Variants in CLASP2 observed in about 807,000 individuals in gnomAD.
CLASP2 encodes the protein CLIP-associating protein 2.
A neutral mutation model predicts 194.4 loss-of-function variants in CLASP2; 47 were observed. That is an observed-to-expected ratio of 0.24 (90% CI 0.19 to 0.31). The LOEUF (loss-of-function observed/expected upper bound fraction) is 0.31, where lower values mean the gene tolerates loss of function less well. Among genes scored for constraint, CLASP2 ranks in the 10% least tolerant of loss-of-function variants. The pLI is 1.00. For missense variants in CLASP2, 1,445 were observed against 1,823.6 expected, an observed-to-expected ratio of 0.79 and a Z score of 3.78; for synonymous variants, 619 against 633.5, an observed-to-expected ratio of 0.98 and a Z score of 0.34.
At chr3:33,667,229 T>G (rs984969941) in intron 6 of CLASP2, among the ~76,000 whole-genome samples, 1 of 151,744 alleles carries the variant, frequency 6.6e-6, no homozygotes, top group Admixed American at 6.6e-5. Flanking sequence ...CTGGCCAACA[T>G]GGTGAAACCC....
chr3:33,547,756 C>T (rs1034512278), intron 30 of CLASP2, among the ~76,000 whole-genome samples: 1 of 151,482 alleles, frequency 6.6e-6, no homozygotes, highest in East Asian at 1.9e-4. Context: ...GCCATCTGAG[C>T]CTGGGCTTTT....
intron 8 of CLASP2, among the ~76,000 whole-genome samples, chr3:33,639,699 T>G (rs1031866038): frequency 6.6e-6 from 1 of 152,166 alleles, no homozygotes; most frequent in Non-Finnish European, 1.5e-5. Context: ...TAATCAACGT[T>G]AGGAGAGAAA....
At chr3:33,547,056 T>G (rs9876692) in intron 30 of CLASP2, among the ~76,000 whole-genome samples, 2,875 of 152,320 alleles carry the variant, frequency 0.019, 93 homozygotes, top group African/African-American at 0.065. Context: ...GTCTACTACA[T>G]TAATAGATTT....
chr3:33,600,371 G>A (rs947929779), intron 18 of CLASP2, among the ~76,000 whole-genome samples: 5 of 152,106 alleles, frequency 3.3e-5, no homozygotes, highest in Non-Finnish European at 5.9e-5. Context: ...CTCTTTATCA[G>A]GTTGAGAAAG....
At chr3:33,599,037 G>A (rs1446920321) in intron 18 of CLASP2, among the ~76,000 whole-genome samples, 1 of 152,188 alleles carries the variant, frequency 6.6e-6, no homozygotes, top group Non-Finnish European at 1.5e-5. Flanking sequence ...ATTACAGTAA[G>A]TAAAATCATC....
rs2048189726 is a variant in CLASP2, at chr3:33,506,377, C to CAA, written c.4317+4180_4317+4181insTT. On this transcript the variant is annotated intron_variant, in intron 37 of 38. Coordinates refer to ENST00000682230, the MANE Select transcript of CLASP2 (RefSeq NM_001365631.1). ...TGGGTGACAGAGTGAGACTCTGTCTCGAAAAAAAAAAAAAAAAAAAAAAAA... is the reference window on the plus strand; with the variant it reads ...TGGGTGACAGAGTGAGACTCTGTCTCAAGAAAAAAAAAAAAAAAAAAAAAAAA... Among the ~76,000 whole-genome samples, 366 of 61,876 alleles carry CAA rather than the reference C, an allele frequency of 5.9e-3. 96 individuals are homozygous for CAA. The highest frequency in any genetic ancestry group is 0.044 in the East Asian group (74 of 1,678). 40.6% of individuals were successfully genotyped at this position (61,876 alleles called of 152,430 possible).
chr3:33,516,418 A>G (rs1245510275), intron 35 of CLASP2, among the ~76,000 whole-genome samples: 8 of 152,240 alleles, frequency 5.3e-5, no homozygotes, highest in Non-Finnish European at 1.5e-5. Context: ...CAGTAATCCC[A>G]GCTCTTTGGA....
chr3:33,706,326 G>A (rs1360527654), intron 1 of CLASP2, among the ~76,000 whole-genome samples: 1 of 152,204 alleles, frequency 6.6e-6, no homozygotes, highest in Admixed American at 6.5e-5. Context: ...ACAAGGAACA[G>A]AGAAAGAAAC....
Position 33,510,778 on chromosome 3 carries a change from G to T in CLASP2, c.4111-14C>A, listed in dbSNP as rs1440273656. The T allele has an allele frequency of 3.2e-6, 5 of 1,586,998 alleles. No homozygotes were observed. The highest frequency in any genetic ancestry group is 4.3e-6 in the Non-Finnish European group (5 of 1,165,240). ...AGATCTCACCACCTAAAAAAAATAG[G>T]AAATTAAGCCAGAAAGTAATTTTTA... On this transcript the variant is annotated splice_polypyrimidine_tract_variant and intron_variant, in intron 36 of 38. Transcript: ENST00000682230.
intron 25 of CLASP2, among the ~76,000 whole-genome samples, chr3:33,571,456 C>G (rs1436762652): frequency 6.6e-6 from 1 of 151,584 alleles, no homozygotes; most frequent in African/African-American, 2.4e-5. Flanking sequence ...TGGTGAAACC[C>G]TGTCTCTACT....
In CLASP2 at chr3:33,506,560, A is replaced by AT. The variant is rs1226514791; in HGVS notation, c.4317+3997dup. 6.6e-5 allele frequency among the ~76,000 whole-genome samples: 10 copies of AT among 151,704 alleles called. 1 individual carries two copies. Among genetic ancestry groups the AT allele is most frequent in the East Asian group, 3.9e-4 (2 of 5,184 alleles). On this transcript the variant is annotated intron_variant, in intron 37 of 38. Transcript: ENST00000682230. ...AGTTCCAAAAAAGTTGATTCTATTC[A>AT]TTTTTTGCCAGCTCAATGGTTGCTT...
intron 37 of CLASP2, among the ~76,000 whole-genome samples, chr3:33,506,043 C>T (rs1038357944): frequency 6.6e-6 from 1 of 151,938 alleles, no homozygotes; most frequent in African/African-American, 2.4e-5. Context: ...AAAGTGTAAA[C>T]TTCATGAAGT....
intron 30 of CLASP2, 55 bp downstream of exon 30, chr3:33,551,197 A>G: frequency 1.3e-6 from 2 of 1,507,326 alleles, no homozygotes. Flanking sequence ...CTGGCAATCC[A>G]TAATAACTGA....
chr3:33,515,379 C>G (rs1446196953), intron 36 of CLASP2, among the ~76,000 whole-genome samples: 1 of 152,196 alleles, frequency 6.6e-6, no homozygotes, highest in Non-Finnish European at 1.5e-5. Flanking sequence ...GCTATCCTCA[C>G]TACTTTGGTG....
intron 33 of CLASP2, among the ~76,000 whole-genome samples, chr3:33,538,176 G>T (rs2057731406): frequency 6.6e-6 from 1 of 151,426 alleles, no homozygotes; most frequent in Non-Finnish European, 1.5e-5. Flanking sequence ...TCTGGCCCAT[G>T]TTCCACTCCT....
At chr3:33,665,621 T>C (rs2154335003) in intron 6 of CLASP2, among the ~76,000 whole-genome samples, 1 of 152,344 alleles carries the variant, frequency 6.6e-6, no homozygotes, top group Admixed American at 6.5e-5. Context: ...ATCTGACTTT[T>C]GTTTGGTATT....
intron 34 of CLASP2, among the ~76,000 whole-genome samples, chr3:33,531,472 T>C (rs1438020331): frequency 2.6e-5 from 4 of 152,052 alleles, no homozygotes; most frequent in Non-Finnish European, 5.9e-5. Flanking sequence ...ATTAGGGAAA[T>C]GCAAATCAAA....
At position 33,718,006 on chromosome 3, in the gene CLASP2, T is replaced by C. The variant is rs1156814588; in HGVS notation, c.-4A>G. ...ACTCCATGCTGCGGGGCTCCATGGC[T>C]GCGGCCGCCCGCCCGCCTGCCAGTC... is the stretch of plus-strand genomic sequence containing the variant. On this transcript the variant is annotated 5_prime_UTR_variant, in exon 1 of 39. Coordinates refer to ENST00000682230, the MANE Select transcript of CLASP2 (RefSeq NM_001365631.1). 2 of 1,464,816 alleles carry C rather than the reference T, an allele frequency of 1.4e-6. No individual in the cohort carries two copies. The highest frequency in any genetic ancestry group is 1.8e-6 in the Non-Finnish European group (2 of 1,115,040). 90.7% of individuals were successfully genotyped at this position (1,464,816 alleles called of 1,614,324 possible). A position where few individuals can be genotyped will look rare whatever the true frequency, so the allele number is the denominator to read the frequency against.
intron 5 of CLASP2, among the ~76,000 whole-genome samples, chr3:33,685,325 A>G (rs1295045083): frequency 1.4e-5 from 2 of 142,162 alleles, no homozygotes; most frequent in African/African-American, 5.2e-5. Context: ...TTGGGCAACA[A>G]GAGCGAAACT....
Sources: allele counts gnomAD v4.1 joint callset (sites outside exome capture counted in the v4.1 genomes callset), GRCh38; gene constraint gnomAD v4.1.1; transcripts MANE v1.5; gene names NCBI Gene and HGNC (gene_info 2026-07-23, HGNC 2026-07-21).